The following COL12A1 variants were observed in gnomAD, a reference collection of about 807,000 sequenced individuals.
COL12A1 encodes the protein collagen type XII alpha 1 chain, also known as collagen alpha-1(XII) chain.
Under a neutral mutation model 349.7 loss-of-function variants are expected in COL12A1, and 114 were observed. That is an observed-to-expected ratio of 0.33 (90% CI 0.28 to 0.38). COL12A1 has a LOEUF of 0.38. Ranked by LOEUF, COL12A1 falls within the 10% of genes least tolerant of loss-of-function variation. The pLI is 1.00. For missense variants in COL12A1, 3,284 were observed against 3,756.9 expected, an observed-to-expected ratio of 0.87 and a Z score of 3.29; for synonymous variants, 1,369 against 1,329.0, an observed-to-expected ratio of 1.03 and a Z score of -0.66.
intron 14 of COL12A1, among the ~76,000 whole-genome samples, chr6:75,160,186 T>C (rs1481360919): frequency 6.6e-6 from 1 of 152,182 alleles, no homozygotes; most frequent in Admixed American, 6.5e-5. Flanking sequence ...CATGTGTTAG[T>C]AACTATCACC....
chr6:75,142,235 A>G, intron 26 of COL12A1, 74 bp from the exon 27 acceptor site: 1 of 1,538,604 alleles, frequency 6.5e-7, no homozygotes, highest in South Asian at 1.1e-5. Context: ...TGTTTACTGT[A>G]CCTGTCAGCG....
chr6:75,129,321 A>T (rs1766183762), intron 37 of COL12A1, among the ~76,000 whole-genome samples: 1 of 152,250 alleles, frequency 6.6e-6, no homozygotes, highest in African/African-American at 2.4e-5. Flanking sequence ...ATATTTCATC[A>T]CATGGGGCTC....
chr6:75,135,131 C>T (rs756229563), intron 31 of COL12A1, among the ~76,000 whole-genome samples: 5 of 151,166 alleles, frequency 3.3e-5, no homozygotes, highest in Non-Finnish European at 7.4e-5. Context: ...ATCCAAAACA[C>T]ATTTCACAGA....
At chr6:75,112,685 C>A (rs1295041881) in intron 51 of COL12A1, among the ~76,000 whole-genome samples, 1 of 151,522 alleles carries the variant, frequency 6.6e-6, no homozygotes, top group African/African-American at 2.4e-5. Context: ...AAACATTTAT[C>A]TTAATTATTT....
rs772529377 is a variant in COL12A1, at chr6:75,135,148, CA to C, written c.5395-294del. On this transcript the variant is annotated intron_variant, in intron 31 of 65. Coordinates refer to ENST00000322507, the MANE Select transcript of COL12A1 (RefSeq NM_004370.6). ...CCAAAACACATTTCACAGAACTCTT[CA>C]AAAAAAAAGGGGGCGGGGGGGACTA... is the stretch of plus-strand genomic sequence containing the variant. Among the ~76,000 whole-genome samples, 26 of 139,980 alleles carry C rather than the reference CA, an allele frequency of 1.9e-4. No homozygotes were observed. In the East Asian group the frequency reaches 2.3e-3, roughly 12 times the overall value. The allele number at this position is 139,980 out of a possible 152,430, so 91.8% of individuals were successfully genotyped here. A position where few individuals can be genotyped will look rare whatever the true frequency, so the allele number is the denominator to read the frequency against.
chr6:75,109,314 G>A, intron 51 of COL12A1, 147 bp from the exon 52 acceptor site: 1 of 579,260 alleles, frequency 1.7e-6, no homozygotes, highest in Non-Finnish European at 2.9e-6. Context: ...AAGAGCAGTT[G>A]GCAATGTTGA....
intron 21 of COL12A1, among the ~76,000 whole-genome samples, chr6:75,150,306 A>C (rs1025610823): frequency 1.3e-5 from 2 of 152,158 alleles, no homozygotes; most frequent in Non-Finnish European, 2.9e-5. Flanking sequence ...ATCATTATGC[A>C]CCATCCTTTT....
intron 53 of COL12A1, 57 bp downstream of exon 53, chr6:75,106,362 G>T: frequency 1.4e-6 from 2 of 1,417,218 alleles, no homozygotes; most frequent in South Asian, 1.2e-5. Context: ...CAGGCACAAG[G>T]GTTTATTACT....
Position 75,115,939 on chromosome 6 carries a change from A to G in COL12A1, c.7559-17T>C. 3 of 1,612,036 alleles carry G rather than the reference A, an allele frequency of 1.9e-6. No homozygotes were observed. Among genetic ancestry groups the G allele is most frequent in the Non-Finnish European group, 2.5e-6 (3 of 1,179,246 alleles). On this transcript the variant is annotated splice_polypyrimidine_tract_variant and intron_variant, in intron 48 of 65. Coordinates refer to ENST00000322507, the MANE Select transcript of COL12A1 (RefSeq NM_004370.6). The stretch of plus-strand genomic sequence containing the variant: ...TTTTAAAACCTTTACATCAGAAAAG[A>G]AAATATTAAACGGAGTACATTTTAA...
intron 58 of COL12A1, among the ~76,000 whole-genome samples, chr6:75,100,287 G>T (rs538989000): frequency 6.6e-6 from 1 of 152,124 alleles, no homozygotes; most frequent in Non-Finnish European, 1.5e-5. Flanking sequence ...AAGTGTGCTA[G>T]GGAACCCGCT....
intron 49 of COL12A1, among the ~76,000 whole-genome samples, chr6:75,115,441 T>C (rs1769028932): frequency 6.6e-6 from 1 of 152,146 alleles, no homozygotes; most frequent in Non-Finnish European, 1.5e-5. Context: ...CTGCACTTAT[T>C]CCATCCAGTA....
intron 22 of COL12A1, 107 bp downstream of exon 22, chr6:75,148,251 C>T: frequency 9.2e-7 from 1 of 1,090,504 alleles, no homozygotes. Flanking sequence ...CATTTCTGGC[C>T]CCTCTTCATC....
intron 13 of COL12A1, among the ~76,000 whole-genome samples, chr6:75,173,015 A>G (rs1768719322): frequency 6.6e-6 from 1 of 152,178 alleles, no homozygotes; most frequent in South Asian, 2.1e-4. Flanking sequence ...GCAGCCCCCA[A>G]CCCTGAGTAT....
At position 75,113,575 on chromosome 6, in the gene COL12A1, C is replaced by T. The variant is rs370400797; in HGVS notation, c.7840+27G>A. The T allele has an allele frequency of 2.9e-4, 460 of 1,589,326 alleles. 1 individual carries two copies. In the African/African-American group the frequency reaches 3.1e-3, roughly 11 times the overall value. The stretch of plus-strand genomic sequence containing the variant: ...AAAAACATAATCAAAACTAAGTATG[C>T]ATGTGCCTTAAGATAAAAATTCTTA... On this transcript the variant is annotated intron_variant, in intron 50 of 65. Transcript: ENST00000322507.
rs240742 is a variant in COL12A1, at chr6:75,154,649, A to C, written c.3444-112T>G. Reference sequence around the variant, plus strand: ...CTTGATTTACAAGCTTACACTATGAAGAGTTTATAGTGTACAACATTATAA... The same window carrying C: ...CTTGATTTACAAGCTTACACTATGACGAGTTTATAGTGTACAACATTATAA... On this transcript the variant is annotated intron_variant, in intron 16 of 65. Coordinates refer to ENST00000322507, the MANE Select transcript of COL12A1 (RefSeq NM_004370.6). 5,407 of 1,086,538 alleles carry C rather than the reference A, an allele frequency of 5.0e-3. 193 individuals carry two copies. In the African/African-American group the frequency reaches 0.074, roughly 15 times the overall value. The allele number at this position is 1,086,538 out of a possible 1,614,324, so 67.3% of individuals were successfully genotyped here.
In COL12A1 at chr6:75,123,366, G is replaced by T. The variant is rs747966606; in HGVS notation, c.6910C>A (p.Pro2304Thr). 3 of 1,605,506 alleles carry T rather than the reference G, an allele frequency of 1.9e-6. No homozygotes were observed. Among genetic ancestry groups the T allele is most frequent in the Admixed American group, 3.4e-5 (2 of 59,198 alleles). The change falls in exon 43 of 66, where the codon CCT becomes ACT. Residue 2304 changes from proline to threonine, a missense_variant. By Grantham distance (38) the Pro-to-Thr change is conservative (BLOSUM62 -1). Coordinates refer to ENST00000322507, the MANE Select transcript of COL12A1 (RefSeq NM_004370.6). ...GGTGGAATGGTGGGAGGGGGAGGAGGTGTGGGTGGCTCTGTAGGGGCTTCT... is the reference window on the plus strand; with the variant it reads ...GGTGGAATGGTGGGAGGGGGAGGAGTTGTGGGTGGCTCTGTAGGGGCTTCT... ...PTEAPTEPPT[P>T]PPPPTIPPAR... is the part of the protein sequence containing the mutation.
chr6:75,153,348 A>G (rs1460142229), intron 17 of COL12A1, among the ~76,000 whole-genome samples: 1 of 152,190 alleles, frequency 6.6e-6, no homozygotes, highest in Non-Finnish European at 1.5e-5. Flanking sequence ...TGTACAAGCT[A>G]CAAAATAAAA....
chr6:75,124,389 A>C lies in COL12A1; in HGVS notation c.6608-18T>G. The C allele has an allele frequency of 6.5e-7, 1 of 1,547,062 alleles. No individual in the cohort carries two copies. Among genetic ancestry groups the C allele is most frequent in the Non-Finnish European group, 8.8e-7 (1 of 1,130,048 alleles). On this transcript the variant is annotated intron_variant, in intron 40 of 65. Coordinates refer to ENST00000322507, the MANE Select transcript of COL12A1 (RefSeq NM_004370.6). ...TAAATATACTACAAAATAAAGAAAG[A>C]AAGAGATTTACTTTGTAAATTGAGG...
intron 51 of COL12A1, among the ~76,000 whole-genome samples, chr6:75,110,706 C>A (rs1391235177): frequency 6.6e-6 from 1 of 151,994 alleles, no homozygotes; most frequent in Non-Finnish European, 1.5e-5. Flanking sequence ...GAATGGATAA[C>A]TGTCTGTCAT....
Sources: gnomAD v4.1 joint callset for allele counts (sites outside exome capture counted in the v4.1 genomes callset) on GRCh38, gnomAD v4.1.1 for gene constraint, MANE v1.5 for transcripts, NCBI Gene and HGNC (gene_info 2026-07-23, HGNC 2026-07-21) for gene names.